SLC24A2: variants seen among roughly 807,000 people sequenced by gnomAD.
SLC24A2 encodes the protein solute carrier family 24 member 2, also known as sodium/potassium/calcium exchanger 2.
Under a neutral mutation model 62.0 loss-of-function variants are expected in SLC24A2, and 36 were observed. The observed-to-expected ratio is 0.58, with a 90% CI of 0.44 to 0.77. The LOEUF (loss-of-function observed/expected upper bound fraction) is 0.77. Among genes scored for constraint, SLC24A2 ranks in the 30% least tolerant of loss-of-function variants. The pLI is 0.00. For synonymous variants in SLC24A2, 358 were observed against 294.0 expected, an observed-to-expected ratio of 1.22 and a Z score of -2.23; for missense variants, 846 against 817.9, an observed-to-expected ratio of 1.03 and a Z score of -0.42.
At chr9:19,694,172 A>G (rs1820120952) in intron 2 of SLC24A2, among the ~76,000 whole-genome samples, 1 of 152,124 alleles carries the variant, frequency 6.6e-6, no homozygotes, top group Non-Finnish European at 1.5e-5. Flanking sequence ...ATAATTACCT[A>G]TTTGCACAGG....
At chr9:19,992,120 T>C in the SLC24A2 span, among the ~76,000 whole-genome samples, 1 of 152,336 alleles carries the variant, frequency 6.6e-6, no homozygotes, top group South Asian at 2.1e-4. Flanking sequence ...TCATACATGA[T>C]TGGATTAAAC....
chr9:20,080,813 C>T, the SLC24A2 span, among the ~76,000 whole-genome samples: 32 of 151,912 alleles, frequency 2.1e-4, 1 homozygote, highest in East Asian at 3.1e-3. Context: ...AAAAAGTGGG[C>T]GAAGGATATG....
chr9:20,261,896 C>A, the SLC24A2 span, among the ~76,000 whole-genome samples: 5 of 151,870 alleles, frequency 3.3e-5, no homozygotes, highest in African/African-American at 1.2e-4. Context: ...CCCGCCACCA[C>A]GCCTGGCTAG....
At chr9:20,248,669 T>A in the SLC24A2 span, among the ~76,000 whole-genome samples, 16 of 152,216 alleles carry the variant, frequency 1.1e-4, no homozygotes, top group East Asian at 1.9e-3. Flanking sequence ...CCATATGAAT[T>A]TGGGGGGCCA....
intron 2 of SLC24A2, among the ~76,000 whole-genome samples, chr9:19,705,838 G>C (rs1280898439): frequency 6.6e-6 from 1 of 152,162 alleles, no homozygotes; most frequent in Non-Finnish European, 1.5e-5. Context: ...TTGCTGAGGA[G>C]AGCTTTACTT....
the SLC24A2 span, among the ~76,000 whole-genome samples, chr9:20,049,431 ATAGTT>A: frequency 6.6e-6 from 1 of 152,134 alleles, no homozygotes; most frequent in African/African-American, 2.4e-5. Flanking sequence ...ACTAAACTAA[ATAGTT>A]TAGTTACCAT....
the SLC24A2 span, among the ~76,000 whole-genome samples, chr9:20,260,981 G>A: frequency 1.9e-4 from 28 of 150,324 alleles, no homozygotes; most frequent in Non-Finnish European, 2.5e-4. Flanking sequence ...TCAGCCTCTC[G>A]AGTACCTGGG....
chr9:20,064,583 A>G, the SLC24A2 span, among the ~76,000 whole-genome samples: 2 of 152,224 alleles, frequency 1.3e-5, no homozygotes, highest in Non-Finnish European at 2.9e-5. Context: ...CTTTTATTGT[A>G]GCACTTAATT....
the SLC24A2 span, among the ~76,000 whole-genome samples, chr9:20,267,506 G>T: frequency 6.6e-6 from 1 of 152,132 alleles, no homozygotes; most frequent in Non-Finnish European, 1.5e-5. Flanking sequence ...GGTAGGAGAA[G>T]AATAACACTC....
chr9:19,932,640 C>T, the SLC24A2 span, among the ~76,000 whole-genome samples: 1 of 152,224 alleles, frequency 6.6e-6, no homozygotes, highest in Non-Finnish European at 1.5e-5. Flanking sequence ...AGGGCTAGAA[C>T]TCAGAACTTC....
chr9:19,550,638 G>T (rs1387108779), intron 7 of SLC24A2, among the ~76,000 whole-genome samples: 1 of 151,698 alleles, frequency 6.6e-6, no homozygotes, highest in Non-Finnish European at 1.5e-5. Flanking sequence ...CCTTCTCCTT[G>T]AAGACAGAGT....
chr9:19,880,042 C>G, the SLC24A2 span, among the ~76,000 whole-genome samples: 1 of 152,058 alleles, frequency 6.6e-6, no homozygotes, highest in East Asian at 1.9e-4. Flanking sequence ...AGAGGAGTTC[C>G]TAGAGTCAAA....
At chr9:20,202,783 A>T in the SLC24A2 span, among the ~76,000 whole-genome samples, 1 of 152,348 alleles carries the variant, frequency 6.6e-6, no homozygotes, top group East Asian at 1.9e-4. Context: ...TAATTATAAT[A>T]AAACCTCTTA....
the SLC24A2 span, among the ~76,000 whole-genome samples, chr9:20,244,669 C>T: frequency 6.6e-6 from 1 of 152,220 alleles, no homozygotes; most frequent in East Asian, 1.9e-4. Flanking sequence ...TTACTCTCCT[C>T]ACCATCTTTA....
the SLC24A2 span, among the ~76,000 whole-genome samples, chr9:20,186,272 C>T: frequency 6.6e-6 from 1 of 152,088 alleles, no homozygotes; most frequent in Non-Finnish European, 1.5e-5. Context: ...TAGATTTTTG[C>T]CCCAGTCGAT....
the SLC24A2 span, among the ~76,000 whole-genome samples, chr9:19,982,732 G>A: frequency 6.6e-6 from 1 of 152,038 alleles, no homozygotes; most frequent in Non-Finnish European, 1.5e-5. Context: ...GACAATAAAA[G>A]AAGAAACCAA....
At chr9:20,283,534 C>G in the SLC24A2 span, among the ~76,000 whole-genome samples, 1 of 152,058 alleles carries the variant, frequency 6.6e-6, no homozygotes, top group South Asian at 2.1e-4. Context: ...GAGTTATGGC[C>G]GGAATATCCA....
At chr9:20,278,518 TTGCTAA>T in the SLC24A2 span, among the ~76,000 whole-genome samples, 1 of 152,216 alleles carries the variant, frequency 6.6e-6, no homozygotes, top group East Asian at 1.9e-4. Flanking sequence ...ACTAGTCTCT[TTGCTAA>T]AGCACAACAA....
At chr9:19,914,535 T>A in the SLC24A2 span, among the ~76,000 whole-genome samples, 1 of 152,020 alleles carries the variant, frequency 6.6e-6, no homozygotes, top group Admixed American at 6.6e-5. Context: ...AAGGCTATCC[T>A]CAGGTCTTGG....
Sources: gnomAD v4.1 joint callset for allele counts (sites outside exome capture counted in the v4.1 genomes callset) on GRCh38, gnomAD v4.1.1 for gene constraint, MANE v1.5 for transcripts, NCBI Gene and HGNC (gene_info 2026-07-23, HGNC 2026-07-21) for gene names.